Variants in RAI14 observed in about 807,000 individuals in gnomAD.
RAI14 encodes the protein ankycorbin.
In RAI14, 45 loss-of-function variants were observed where a neutral mutation model predicts 115.4. That is an observed-to-expected ratio of 0.39 (90% CI 0.31 to 0.50). The LOEUF (loss-of-function observed/expected upper bound fraction) is 0.50, where lower values mean the gene tolerates loss of function less well. Among genes scored for constraint, RAI14 ranks in the 20% least tolerant of loss-of-function variants. The probability of loss-of-function intolerance (pLI) is 0.85; values close to 1 mark genes in which losing one functional copy is unlikely to be tolerated. For missense variants in RAI14, 939 were observed against 1,131.2 expected, an observed-to-expected ratio of 0.83 and a Z score of 2.44; for synonymous variants, 371 against 415.4, an observed-to-expected ratio of 0.89 and a Z score of 1.30.
In RAI14 at chr5:34,813,632, C is replaced by G; in HGVS notation, c.824C>G (p.Ala275Gly). The G allele has an allele frequency of 1.2e-6, 2 of 1,613,036 alleles. No homozygotes were observed. Among genetic ancestry groups the G allele is most frequent in the African/African-American group, 1.3e-5 (1 of 75,012 alleles). ...ERSGTPKKRK[A>G]PPPPISPTQL... ...AGTGGAACTCCAAAAAAACGCAAAG[C>G]TCCACCACCTCCTATCAGTCCTACC... The change falls in exon 11 of 18, where the codon GCT (alanine) becomes GGT (glycine). Residue 275 changes from alanine to glycine, a missense_variant. Physicochemically the swap from Ala to Gly is moderately conservative, Grantham distance 60. Coordinates refer to ENST00000265109, the MANE Select transcript of RAI14 (RefSeq NM_015577.3).
Position 34,688,206 on chromosome 5 carries a change from G to T in RAI14, c.36+1251G>T, listed in dbSNP as rs1202778794. 7.1e-6 allele frequency: 11 copies of T among 1,551,080 alleles called. No individual in the cohort carries two copies. In the Admixed American group the frequency reaches 2.2e-4, roughly 30 times the overall value. On this transcript the variant is annotated intron_variant, in intron 2 of 17. Transcript: ENST00000265109. ...TCATCGTCTGCTGGCTGTATGTTAT[G>T]CAGCCTACATATCTCCCGTGGCTTT...
chr5:34,697,348 AT>A (rs1210325302), intron 2 of RAI14, among the ~76,000 whole-genome samples: 1 of 151,214 alleles, frequency 6.6e-6, no homozygotes, highest in South Asian at 2.1e-4. Flanking sequence ...AGGCAGGAGA[AT>A]TGCTTGAACC....
intron 1 of RAI14, among the ~76,000 whole-genome samples, chr5:34,679,711 A>G (rs113970494): frequency 1.2e-4 from 19 of 152,280 alleles, no homozygotes; most frequent in African/African-American, 4.6e-4. Flanking sequence ...AGTAATGAGA[A>G]GGAAGGGGGC....
intron 16 of RAI14, 120 bp from the exon 17 acceptor site, chr5:34,829,611 CT>C: frequency 1.5e-6 from 1 of 670,702 alleles, no homozygotes; most frequent in South Asian, 2.3e-5. Flanking sequence ...GCTTCCAGTG[CT>C]AGCATAAAGT....
Position 34,824,108 on chromosome 5 carries a change from G to A in RAI14, c.2266G>A (p.Glu756Lys), listed in dbSNP as rs1474844178. Residue 756 changes from glutamate (E) to lysine (K), a missense_variant, in exon 15 of 18, where the codon GAA becomes AAA. Physicochemically the swap from Glu to Lys is moderately conservative, Grantham distance 56 (BLOSUM62 1). Coordinates refer to ENST00000265109, the MANE Select transcript of RAI14 (RefSeq NM_015577.3). The stretch of plus-strand genomic sequence containing the variant: ...GGAAGAAAAAATAAGCAATCTTAAG[G>A]AACACCTTGCAAGCAAGGAAGTGGA... ...EMEEKISNLK[E>K]HLASKEVEVA... 17 of 1,614,104 alleles carry A rather than the reference G, an allele frequency of 1.1e-5. No individual in the cohort carries two copies.
Position 34,763,470 on chromosome 5 carries a change from C to T in RAI14, c.167+5872C>T, listed in dbSNP as rs142707776. Among the ~76,000 whole-genome samples the T allele has an allele frequency of 5.3e-5, 8 of 152,280 alleles. No homozygotes were observed. The East Asian group carries it at 1.5e-3, about 29-fold the overall frequency. On this transcript the variant is annotated intron_variant, in intron 3 of 17. Transcript: ENST00000265109. The stretch of plus-strand genomic sequence containing the variant: ...GAAGTTGAGATAACCTCTTCTTATA[C>T]TTTGCAAATATGCTTAAATGTTGTG...
intron 2 of RAI14, among the ~76,000 whole-genome samples, chr5:34,715,401 G>T (rs971135348): frequency 1.3e-5 from 2 of 152,134 alleles, no homozygotes; most frequent in East Asian, 3.9e-4. Context: ...CTTGGTCCAC[G>T]CCCCAGTATT....
intron 8 of RAI14, 48 bp downstream of exon 8, chr5:34,811,166 T>A: frequency 6.4e-7 from 1 of 1,572,188 alleles, no homozygotes; most frequent in Non-Finnish European, 8.7e-7. Context: ...GATACCCACA[T>A]TCTGAGAGTA....
intron 8 of RAI14, 132 bp downstream of exon 8, chr5:34,811,250 T>C (rs1755547835): frequency 3.8e-6 from 4 of 1,060,454 alleles, no homozygotes; most frequent in East Asian, 5.0e-5. Flanking sequence ...TTTAAAGTTC[T>C]ACTGTTTCTG....
chr5:34,808,497 T>C, intron 6 of RAI14, 87 bp from the exon 7 acceptor site: 1 of 1,224,926 alleles, frequency 8.2e-7, no homozygotes, highest in Non-Finnish European at 1.2e-6. Flanking sequence ...GGGTAGAACA[T>C]GAACATTTCC....
At chr5:34,693,512 C>A (rs1227929965) in intron 2 of RAI14, among the ~76,000 whole-genome samples, 1 of 152,220 alleles carries the variant, frequency 6.6e-6, no homozygotes, top group Non-Finnish European at 1.5e-5. Flanking sequence ...AGGTGCCAGG[C>A]ACTGTGCCAA....
chr5:34,656,357 G>A lies in RAI14; in HGVS notation c.-167G>A, dbSNP rs997629198. ...ACCCCCGCAGCGGGGGAGGAGGAGG[G>A]ACTGCGGCGCAGGAAGCCGAGCAGG... On this transcript the variant is annotated 5_prime_UTR_variant, in exon 1 of 18. Transcript: ENST00000265109. The A allele has an allele frequency of 1.3e-5, 2 of 152,038 alleles. No homozygotes were observed. The highest frequency in any genetic ancestry group is 2.9e-5 in the Non-Finnish European group (2 of 68,000). 9.4% of individuals were successfully genotyped at this position (152,038 alleles called of 1,614,324 possible).
chr5:34,813,436 TA>T (rs1451111145), intron 10 of RAI14, 137 bp from the exon 11 acceptor site: 7 of 558,160 alleles, frequency 1.3e-5, no homozygotes, highest in Non-Finnish European at 2.2e-5. Context: ...TTTATGTTGG[TA>T]GCAGATTTCA....
chr5:34,715,625 C>T (rs1741895473), intron 2 of RAI14, among the ~76,000 whole-genome samples: 1 of 152,206 alleles, frequency 6.6e-6, no homozygotes, highest in South Asian at 2.1e-4. Context: ...CCTCCCACCC[C>T]TCGAGTAAAA....
Position 34,827,017 on chromosome 5 carries a change from C to T in RAI14, c.2799+538C>T, listed in dbSNP as rs183761879. ...TTTTACAGTTGCATTGAACTGAATT[C>T]CAAAATCACTTTCACTGGACTAACT... On this transcript the variant is annotated intron_variant, in intron 16 of 17. Coordinates refer to ENST00000265109, the MANE Select transcript of RAI14 (RefSeq NM_015577.3). This position sits in a 1 kb window ranked among gnomAD's most constrained non-coding sequence, Gnocchi z 4.2. 1.2e-3 allele frequency among the ~76,000 whole-genome samples: 182 copies of T among 152,294 alleles called. No individual in the cohort carries two copies. Among genetic ancestry groups the T allele is most frequent in the Middle Eastern group, 6.8e-3 (2 of 294 alleles).
At chr5:34,806,867 A>G (rs1255795920) in intron 5 of RAI14, among the ~76,000 whole-genome samples, 2 of 152,172 alleles carry the variant, frequency 1.3e-5, no homozygotes, top group Non-Finnish European at 2.9e-5. Context: ...GAGTAAGAAT[A>G]CAGGCCCTAG....
chr5:34,769,710 C>G (rs1341095375), intron 3 of RAI14, among the ~76,000 whole-genome samples: 1 of 152,086 alleles, frequency 6.6e-6, no homozygotes, highest in Non-Finnish European at 1.5e-5. Context: ...AGACCAAAAT[C>G]AAGGACTAAT....
At chr5:34,692,991 T>G (rs1247100572) in intron 2 of RAI14, among the ~76,000 whole-genome samples, 1 of 152,154 alleles carries the variant, frequency 6.6e-6, no homozygotes, top group African/African-American at 2.4e-5. Flanking sequence ...GCAGTGTTTT[T>G]GGCTTGCAGA....
At chr5:34,692,720 C>T (rs956221110) in intron 2 of RAI14, among the ~76,000 whole-genome samples, 4 of 151,856 alleles carry the variant, frequency 2.6e-5, no homozygotes, top group South Asian at 4.2e-4. Context: ...AAATTTGTGC[C>T]GTGCTACGTG....
Sources: gnomAD v4.1 joint callset for allele counts (sites outside exome capture counted in the v4.1 genomes callset) on GRCh38, gnomAD v4.1.1 for gene constraint, Gnocchi (gnomAD v3.1) non-coding constraint, MANE v1.5 for transcripts, NCBI Gene and HGNC (gene_info 2026-07-23, HGNC 2026-07-21) for gene names.